NCOA6: variants seen among roughly 807,000 people sequenced by gnomAD.
NCOA6 encodes nuclear receptor coactivator 6, also known as NRC RAP250.
A neutral mutation model predicts 171.4 loss-of-function variants in NCOA6; 49 were observed. That is an observed-to-expected ratio of 0.29 (90% CI 0.23 to 0.36). The LOEUF (loss-of-function observed/expected upper bound fraction) is 0.36, where lower values mean the gene tolerates loss of function less well. NCOA6 is among the 10% of genes least tolerant of loss of function. NCOA6 has a pLI of 1.00. For synonymous variants in NCOA6, 910 were observed against 927.5 expected (o/e 0.98, Z 0.34); for missense variants, 2,248 against 2,554.5 (o/e 0.88, Z 2.59).
At chr20:34,725,262 C>A (rs1023940707) in intron 14 of NCOA6, among the ~76,000 whole-genome samples, 1 of 152,314 alleles carries the variant, frequency 6.6e-6, no homozygotes, top group South Asian at 2.1e-4. Flanking sequence ...TAATCTCCTG[C>A]CCTAACCAAG....
intron 8 of NCOA6, among the ~76,000 whole-genome samples, chr20:34,754,073 C>A (rs1373854113): frequency 3.9e-5 from 6 of 152,190 alleles, no homozygotes; most frequent in African/African-American, 1.4e-4. Context: ...TTTTGCAGTA[C>A]ACTGTTGGTA....
chr20:34,721,520 C>T (rs749332989), intron 14 of NCOA6, among the ~76,000 whole-genome samples: 4 of 152,102 alleles, frequency 2.6e-5, no homozygotes. Flanking sequence ...AACTGTTCCA[C>T]CTCAGATTAT....
intron 1 of NCOA6, among the ~76,000 whole-genome samples, chr20:34,805,682 T>C (rs1165868063): frequency 6.6e-6 from 1 of 151,460 alleles, no homozygotes; most frequent in Non-Finnish European, 1.5e-5. Context: ...GTTCTCTTCT[T>C]AGCTTTTTTT....
At chr20:34,719,960 T>C (rs1989122286) in intron 14 of NCOA6, among the ~76,000 whole-genome samples, 1 of 152,184 alleles carries the variant, frequency 6.6e-6, no homozygotes, top group African/African-American at 2.4e-5. Context: ...TTTAGACAGT[T>C]TCTTCACTGG....
At position 34,746,055 on chromosome 20, in the gene NCOA6, G is replaced by C. The variant is rs1012855209; in HGVS notation, c.2914+752C>G. On this transcript the variant is annotated intron_variant, in intron 10 of 14. Coordinates refer to ENST00000359003, the MANE Select transcript of NCOA6 (RefSeq NM_014071.5). ...CTTTATATTTTAAAGACTCATTAAT[G>C]AAACTTCTATAAAAAAGATCATCTT... is the stretch of plus-strand genomic sequence containing the variant. Among the ~76,000 whole-genome samples the C allele has an allele frequency of 6.6e-5, 10 of 152,052 alleles. No homozygotes were observed. In the East Asian group the frequency reaches 1.5e-3, roughly 23 times the overall value.
At chr20:34,812,391 G>A (rs979281920) in intron 1 of NCOA6, among the ~76,000 whole-genome samples, 1 of 152,150 alleles carries the variant, frequency 6.6e-6, no homozygotes, top group Non-Finnish European at 1.5e-5. Flanking sequence ...TGCCTGTCAA[G>A]GTGATTGGCA....
chr20:34,777,404 C>G (rs1363450943), intron 3 of NCOA6, among the ~76,000 whole-genome samples: 1 of 152,064 alleles, frequency 6.6e-6, no homozygotes, highest in Non-Finnish European at 1.5e-5. Context: ...CACTTGAGGA[C>G]AGGAGTTCGA....
At chr20:34,736,599 T>C in intron 12 of NCOA6, 91 bp downstream of exon 12, 1 of 1,080,112 alleles carries the variant, frequency 9.3e-7, no homozygotes, top group Non-Finnish European at 1.3e-6. Flanking sequence ...TGTCACTTCC[T>C]GGCATAAGAA....
intron 1 of NCOA6, among the ~76,000 whole-genome samples, chr20:34,798,847 C>T (rs188649067): frequency 3.3e-5 from 5 of 152,272 alleles, no homozygotes; most frequent in East Asian, 1.9e-4. Context: ...TTTGAATACT[C>T]GGAAAGCCTT....
chr20:34,715,138 A>G lies in NCOA6; in HGVS notation c.*184T>C. 1.5e-6 allele frequency: 1 copy of G among 661,152 alleles called. No homozygotes were observed. Among genetic ancestry groups the G allele is most frequent in the Non-Finnish European group, 2.5e-6 (1 of 393,760 alleles). 41.0% of individuals were successfully genotyped at this position (661,152 alleles called of 1,614,324 possible). On this transcript the variant is annotated 3_prime_UTR_variant, in exon 15 of 15. Coordinates refer to ENST00000359003, the MANE Select transcript of NCOA6 (RefSeq NM_014071.5). ...ACCTTGAACTTCAACTCGCAACACC[A>G]AAAGGGCTCAACAGTCCTGCTTTCC...
intron 1 of NCOA6, among the ~76,000 whole-genome samples, chr20:34,807,978 T>C (rs964861548): frequency 2.0e-5 from 3 of 151,452 alleles, no homozygotes; most frequent in African/African-American, 2.4e-5. Context: ...GGTGAAACCC[T>C]GTCTCTACTA....
chr20:34,821,315 C>T (rs1421072653), intron 1 of NCOA6: 1 of 152,140 alleles, frequency 6.6e-6, no homozygotes, highest in Non-Finnish European at 1.5e-5. Context: ...TCCAATAAAA[C>T]GTTATTTACA....
rs894383253 is a variant in NCOA6, at chr20:34,792,474, C to A, written c.-74G>T. 1 of 397,238 alleles carries A rather than the reference C, an allele frequency of 2.5e-6. No individual in the cohort carries two copies. Among genetic ancestry groups the A allele is most frequent in the Non-Finnish European group, 4.4e-6 (1 of 225,486 alleles). 24.6% of individuals were successfully genotyped at this position (397,238 alleles called of 1,614,324 possible). ...CCAAAATCTCTTTCTTAATTTTTAT[C>A]ATTTATCCAGGTCATCTTCTAAGTC... On this transcript the variant is annotated 5_prime_UTR_variant, in exon 2 of 15. An upstream start codon of the reference 5' UTR is lost. Transcript: ENST00000359003.
chr20:34,782,024 A>G lies in NCOA6; in HGVS notation c.235+97T>C, dbSNP rs1440892723. ...GTGCTTAAATTCAGCCTTTTGACCC[A>G]ATTTAACAAGCTTGTTTTGTAAAAC... On this transcript the variant is annotated intron_variant, in intron 3 of 14. Transcript: ENST00000359003. 6.9e-6 allele frequency: 6 copies of G among 864,298 alleles called. No homozygotes were observed. The Admixed American group carries it at 1.9e-4, about 27-fold the overall frequency. The allele number at this position is 864,298 out of a possible 1,614,324, so 53.5% of individuals were successfully genotyped here.
intron 14 of NCOA6, among the ~76,000 whole-genome samples, chr20:34,722,310 G>A (rs1316282701): frequency 8.6e-5 from 13 of 151,856 alleles, no homozygotes; most frequent in Non-Finnish European, 1.8e-4. Context: ...GAACCTGGGA[G>A]GCGGAGGTTG....
intron 1 of NCOA6, chr20:34,821,169 T>C (rs2078997851): frequency 6.6e-6 from 1 of 152,236 alleles, no homozygotes; most frequent in Non-Finnish European, 1.5e-5. Flanking sequence ...GATCAGGGGT[T>C]GGCAAATGTT....
chr20:34,801,110 T>TG (rs1260803933), intron 1 of NCOA6, among the ~76,000 whole-genome samples: 1 of 152,100 alleles, frequency 6.6e-6, no homozygotes, highest in Non-Finnish European at 1.5e-5. Context: ...CAATGACCAG[T>TG]GGGTCCATGA....
intron 3 of NCOA6, among the ~76,000 whole-genome samples, chr20:34,780,787 G>A (rs185884387): frequency 4.3e-4 from 66 of 152,180 alleles, no homozygotes; most frequent in South Asian, 2.9e-3. Context: ...TCGAGTAGCT[G>A]GGACTACAGG....
intron 14 of NCOA6, among the ~76,000 whole-genome samples, chr20:34,721,017 T>G (rs1989242866): frequency 6.6e-6 from 1 of 152,068 alleles, no homozygotes; most frequent in African/African-American, 2.4e-5. Flanking sequence ...ATTTTTTGGT[T>G]TTTGTCCCAC....
Sources: allele counts gnomAD v4.1 joint callset (sites outside exome capture counted in the v4.1 genomes callset), GRCh38; gene constraint gnomAD v4.1.1; transcripts MANE v1.5; gene names NCBI Gene and HGNC (gene_info 2026-07-23, HGNC 2026-07-21).